ABI3BP: variants seen among roughly 807,000 people sequenced by gnomAD.
The protein encoded by ABI3BP is target of Nesh-SH3.
ABI3BP carries 216 observed loss-of-function variants against 268.6 expected under a neutral mutation model. The observed-to-expected ratio is 0.80, with a 90% CI of 0.72 to 0.90. The LOEUF (loss-of-function observed/expected upper bound fraction) is 0.90. Ranked by LOEUF, ABI3BP falls within the 40% of genes least tolerant of loss-of-function variation. The pLI, the probability that ABI3BP is intolerant of heterozygous loss-of-function variation, is 0.00. For synonymous variants in ABI3BP, 730 were observed against 730.0 expected, an observed-to-expected ratio of 1.00 and a Z score of 0.00; for missense variants, 2,090 against 2,182.4, an observed-to-expected ratio of 0.96 and a Z score of 0.84.
At chr3:100,988,116 T>C (rs191363391) in intron 1 of ABI3BP, among the ~76,000 whole-genome samples, 2 of 152,266 alleles carry the variant, frequency 1.3e-5, no homozygotes, top group Non-Finnish European at 1.5e-5. Flanking sequence ...GTATCCTGTG[T>C]TCCATAACTT....
intron 1 of ABI3BP, among the ~76,000 whole-genome samples, chr3:100,988,289 A>C (rs2092322690): frequency 6.6e-6 from 1 of 152,204 alleles, no homozygotes; most frequent in African/African-American, 2.4e-5. Context: ...TGACAGAGCA[A>C]GGTGTAAGAG....
In ABI3BP at chr3:100,750,244, C is replaced by T. The variant is rs1173376655; in HGVS notation, c.*251G>A. 4 of 342,226 alleles carry T rather than the reference C, an allele frequency of 1.2e-5. No homozygotes were observed. Among genetic ancestry groups the T allele is most frequent in the Non-Finnish European group, 2.1e-5 (4 of 189,972 alleles). 21.2% of individuals were successfully genotyped at this position (342,226 alleles called of 1,614,324 possible). A position where few individuals can be genotyped will look rare whatever the true frequency, so the allele number is the denominator to read the frequency against. The stretch of plus-strand genomic sequence containing the variant: ...ATATACAAATGATCTCTTAAAATAC[C>T]ATGAATAGGGAGCCAGCTTCCCCAA... On this transcript the variant is annotated 3_prime_UTR_variant, in exon 68 of 68. Coordinates refer to ENST00000471714, the MANE Select transcript of ABI3BP (RefSeq NM_001375547.2).
At chr3:100,918,321 TGTCCACCC>T (rs995738427) in intron 2 of ABI3BP, among the ~76,000 whole-genome samples, 18 of 145,640 alleles carry the variant, frequency 1.2e-4, no homozygotes, top group East Asian at 2.2e-4. Context: ...CCCGTCCACC[TGTCCACCC>T]GTCCACCCAT....
chr3:100,968,467 G>A (rs768399112), intron 1 of ABI3BP, among the ~76,000 whole-genome samples: 16 of 152,080 alleles, frequency 1.1e-4, no homozygotes, highest in Non-Finnish European at 2.2e-4. Flanking sequence ...TGATTTTGGT[G>A]TAATCAAATA....
chr3:100,865,988 T>TTC (rs1554019101), intron 10 of ABI3BP, among the ~76,000 whole-genome samples: 2 of 152,344 alleles, frequency 1.3e-5, no homozygotes, highest in Non-Finnish European at 2.9e-5. Flanking sequence ...AAGGACCATA[T>TTC]TCACCTTGCT....
intron 57 of ABI3BP, 31 bp downstream of exon 57, chr3:100,787,697 G>A: frequency 6.8e-7 from 1 of 1,469,004 alleles, no homozygotes; most frequent in South Asian, 1.3e-5. Context: ...GTTTTGACAG[G>A]ATAAAAAGGA....
chr3:100,862,051 G>A (rs144831337), intron 14 of ABI3BP, among the ~76,000 whole-genome samples: 1 of 152,252 alleles, frequency 6.6e-6, no homozygotes, highest in East Asian at 1.9e-4. Context: ...CTATCAATGA[G>A]CCAATTCATA....
chr3:100,982,575 C>T (rs1302473513), intron 1 of ABI3BP, among the ~76,000 whole-genome samples: 2 of 151,904 alleles, frequency 1.3e-5, no homozygotes, highest in Non-Finnish European at 2.9e-5. Context: ...CACGTGGACT[C>T]CTGCACTTTA....
At chr3:100,823,697 G>C (rs1413393293) in intron 36 of ABI3BP, among the ~76,000 whole-genome samples, 183 bp from the exon 37 acceptor site, 2 of 152,144 alleles carry the variant, frequency 1.3e-5, no homozygotes, top group Admixed American at 1.3e-4. Flanking sequence ...TATAGGCATG[G>C]TGAGTCTCAG....
At chr3:100,965,704 T>C in intron 1 of ABI3BP, among the ~76,000 whole-genome samples, 1 of 151,672 alleles carries the variant, frequency 6.6e-6, no homozygotes, top group Non-Finnish European at 1.5e-5. Context: ...GATGTGTGTG[T>C]GTGTTAGTGT....
chr3:100,902,200 T>C (rs1051135502), intron 3 of ABI3BP, among the ~76,000 whole-genome samples: 2 of 152,170 alleles, frequency 1.3e-5, no homozygotes, highest in Admixed American at 6.5e-5. Flanking sequence ...AGACATAAAA[T>C]TTTGCCCTTA....
At chr3:100,877,981 C>G (rs1207898621) in intron 6 of ABI3BP, among the ~76,000 whole-genome samples, 1 of 151,996 alleles carries the variant, frequency 6.6e-6, no homozygotes, top group Admixed American at 6.6e-5. Flanking sequence ...TATTAAGGTT[C>G]TTATGTTTTA....
intron 63 of ABI3BP, among the ~76,000 whole-genome samples, chr3:100,757,793 A>G (rs192044265): frequency 1.6e-4 from 25 of 152,312 alleles, no homozygotes; most frequent in African/African-American, 6.0e-4. Context: ...CAGTCTAGAC[A>G]TAGGGATTTA....
chr3:100,936,970 T>C (rs9824648), intron 1 of ABI3BP, among the ~76,000 whole-genome samples: 17,651 of 152,154 alleles, frequency 0.12, 1,166 homozygotes, highest in Middle Eastern at 0.19. Flanking sequence ...TTCATGTCTC[T>C]GTCTCCTTCG....
chr3:100,813,218 T>C (rs1321576932), intron 45 of ABI3BP, among the ~76,000 whole-genome samples: 2 of 152,166 alleles, frequency 1.3e-5, no homozygotes, highest in Admixed American at 6.5e-5. Flanking sequence ...TTTAAAGGGT[T>C]CACATTATTT....
intron 14 of ABI3BP, among the ~76,000 whole-genome samples, chr3:100,855,985 G>A (rs1417323475): frequency 1.3e-5 from 2 of 152,186 alleles, no homozygotes; most frequent in Non-Finnish European, 2.9e-5. Flanking sequence ...ATTAAAGGCT[G>A]AAGATATAAA....
At chr3:100,850,564 TG>T in intron 16 of ABI3BP, 95 bp downstream of exon 16, 1 of 859,942 alleles carries the variant, frequency 1.2e-6, no homozygotes, top group Non-Finnish European at 1.9e-6. Context: ...AATGATTAGA[TG>T]TGATGGAATG....
intron 2 of ABI3BP, among the ~76,000 whole-genome samples, chr3:100,908,811 T>C (rs142287284): frequency 0.11 from 17,437 of 152,204 alleles, 1,317 homozygotes; most frequent in Middle Eastern, 0.19. Flanking sequence ...AGAATCAATA[T>C]TGTGAAAATG....
chr3:100,899,912 G>C (rs2049423353), intron 3 of ABI3BP, among the ~76,000 whole-genome samples: 1 of 152,208 alleles, frequency 6.6e-6, no homozygotes, highest in African/African-American at 2.4e-5. Flanking sequence ...TATTAAGGTA[G>C]GTAGGAGAGT....
Sources: allele counts gnomAD v4.1 joint callset (sites outside exome capture counted in the v4.1 genomes callset), GRCh38; gene constraint gnomAD v4.1.1; transcripts MANE v1.5; gene names NCBI Gene and HGNC (gene_info 2026-07-23, HGNC 2026-07-21).